RFX3: variants seen among roughly 807,000 people sequenced by gnomAD.
The protein encoded by RFX3 is regulatory factor X3, also known as transcription factor RFX3.
RFX3 carries 14 observed loss-of-function variants against 98.6 expected under a neutral mutation model. The ratio of observed to expected loss-of-function variants is 0.14; its 90% confidence interval spans 0.09 to 0.22. The LOEUF is 0.22. Among genes scored for constraint, RFX3 ranks in the 10% least tolerant of loss-of-function variants. RFX3 has a pLI of 1.00. For synonymous variants in RFX3, 383 were observed against 328.4 expected (o/e 1.17, Z -1.80); for missense variants, 639 against 926.9 (o/e 0.69, Z 4.03).
chr9:3,271,824 G>C (rs866059793), intron 9 of RFX3, among the ~76,000 whole-genome samples: 2 of 152,178 alleles, frequency 1.3e-5, no homozygotes, highest in African/African-American at 4.8e-5. Flanking sequence ...GCCAAACAGA[G>C]GCTGGGGCAG....
intron 1 of RFX3, among the ~76,000 whole-genome samples, chr9:3,427,260 CTA>C (rs577418991): frequency 6.9e-4 from 96 of 138,438 alleles, no homozygotes; most frequent in Admixed American, 3.0e-3. Flanking sequence ...ATATATAATA[CTA>C]TATATATATT....
At chr9:3,460,675 G>A (rs1373734261) in intron 1 of RFX3, among the ~76,000 whole-genome samples, 1 of 151,852 alleles carries the variant, frequency 6.6e-6, no homozygotes, top group Non-Finnish European at 1.5e-5. Context: ...GACTCTCAGA[G>A]CTAATACCTT....
chr9:3,463,998 C>T (rs1847965605), intron 1 of RFX3, among the ~76,000 whole-genome samples: 1 of 151,958 alleles, frequency 6.6e-6, no homozygotes, highest in African/African-American at 2.4e-5. Flanking sequence ...GGACACTTTA[C>T]ACAAGAATAT....
chr9:3,520,074 C>T (rs1363704276), intron 1 of RFX3, among the ~76,000 whole-genome samples: 1 of 152,180 alleles, frequency 6.6e-6, no homozygotes, highest in African/African-American at 2.4e-5. Flanking sequence ...TATGCCACTG[C>T]ACTCCAGCCT....
chr9:3,400,211 A>C, intron 1 of RFX3: 1 of 982,148 alleles, frequency 1.0e-6, no homozygotes, highest in Non-Finnish European at 1.2e-6. Flanking sequence ...AAAGACAAGT[A>C]AGAAAGGCAA....
chr9:3,518,900 C>A (rs1818438004), intron 1 of RFX3, among the ~76,000 whole-genome samples: 1 of 152,094 alleles, frequency 6.6e-6, no homozygotes, highest in South Asian at 2.1e-4. Flanking sequence ...CATTTTTCTA[C>A]CCTTAGTAAA....
chr9:3,475,567 C>A (rs1057152018), intron 1 of RFX3, among the ~76,000 whole-genome samples: 1 of 152,158 alleles, frequency 6.6e-6, no homozygotes, highest in Non-Finnish European at 1.5e-5. Flanking sequence ...CTGCATATCG[C>A]ATATACAGCG....
chr9:3,374,775 C>A (rs1178486878), intron 2 of RFX3, among the ~76,000 whole-genome samples: 1 of 151,456 alleles, frequency 6.6e-6, no homozygotes, highest in African/African-American at 2.4e-5. Context: ...GGTTGCACAA[C>A]AATGTGAATG....
chr9:3,398,244 T>G (rs1191731398), intron 1 of RFX3, among the ~76,000 whole-genome samples: 2 of 151,958 alleles, frequency 1.3e-5, no homozygotes, highest in African/African-American at 4.8e-5. Context: ...CGAGTATTAC[T>G]AGAGGACCAA....
intron 1 of RFX3, among the ~76,000 whole-genome samples, chr9:3,477,358 T>C (rs1257435220): frequency 1.3e-5 from 2 of 152,224 alleles, no homozygotes; most frequent in African/African-American, 2.4e-5. Flanking sequence ...AAAGACTCCC[T>C]TTAACATTTC....
intron 4 of RFX3, among the ~76,000 whole-genome samples, chr9:3,321,593 A>T (rs988491414): frequency 1.3e-5 from 2 of 152,218 alleles, no homozygotes; most frequent in African/African-American, 4.8e-5. Flanking sequence ...CTATAAATTT[A>T]AAAAATTAGT....
At chr9:3,314,543 G>A (rs1830353978) in intron 4 of RFX3, among the ~76,000 whole-genome samples, 1 of 152,144 alleles carries the variant, frequency 6.6e-6, no homozygotes, top group Non-Finnish European at 1.5e-5. Context: ...AAATGTAAAT[G>A]GGCCAAATGC....
chr9:3,525,343 G>C (rs1015808397), intron 1 of RFX3, among the ~76,000 whole-genome samples: 3 of 152,196 alleles, frequency 2.0e-5, no homozygotes, highest in Non-Finnish European at 4.4e-5. Flanking sequence ...GAAAATTAAA[G>C]AAAGAACAAA....
At chr9:3,246,022 C>A (rs1229858978) in intron 15 of RFX3, among the ~76,000 whole-genome samples, 1 of 152,114 alleles carries the variant, frequency 6.6e-6, no homozygotes, top group African/African-American at 2.4e-5. Flanking sequence ...GATAGTATGA[C>A]CATGGCCAAT....
intron 15 of RFX3, among the ~76,000 whole-genome samples, chr9:3,246,666 A>G (rs1453906277): frequency 6.6e-6 from 1 of 152,202 alleles, no homozygotes; most frequent in Non-Finnish European, 1.5e-5. Context: ...GCATTTTCCA[A>G]CAAGGCATCT....
At chr9:3,508,885 C>A (rs1315864093) in intron 1 of RFX3, among the ~76,000 whole-genome samples, 1 of 151,804 alleles carries the variant, frequency 6.6e-6, no homozygotes, top group Non-Finnish European at 1.5e-5. Flanking sequence ...GCTCAAACTG[C>A]TCATCTTTAG....
At position 3,366,693 on chromosome 9, in the gene RFX3, C is replaced by CCTTCCTTT. The variant is rs1491500921; in HGVS notation, c.118-19930_118-19929insAAAGGAAG. ...CTTTCTCTTTCTTTCTTCTTTCTTT[C>CCTTCCTTT]CTTTCTTTCTTTCTTTCTTTCTTTC... On this transcript the variant is annotated intron_variant, in intron 2 of 16. Coordinates refer to ENST00000617270, the MANE Select transcript of RFX3 (RefSeq NM_001282116.2). 5.5e-3 allele frequency among the ~76,000 whole-genome samples: 471 copies of CCTTCCTTT among 85,498 alleles called. 15 individuals carry two copies. Among genetic ancestry groups the CCTTCCTTT allele is most frequent in the African/African-American group, 0.016 (305 of 19,310 alleles). The allele number at this position is 85,498 out of a possible 152,430, so 56.1% of individuals were successfully genotyped here.
chr9:3,225,538 TA>T (rs370374469), intron 16 of RFX3, among the ~76,000 whole-genome samples: 12,014 of 147,270 alleles, frequency 0.082, 488 homozygotes, highest in Middle Eastern at 0.12. Flanking sequence ...TTAACTTTTT[TA>T]AAAAAAAAGG....
At chr9:3,261,562 G>T (rs541539503) in intron 13 of RFX3, among the ~76,000 whole-genome samples, 16 of 152,208 alleles carry the variant, frequency 1.1e-4, no homozygotes, top group Admixed American at 2.6e-4. Flanking sequence ...GGACATTTGG[G>T]TTGTTTCTGC....
Sources: allele counts gnomAD v4.1 joint callset (sites outside exome capture counted in the v4.1 genomes callset), GRCh38; gene constraint gnomAD v4.1.1; transcripts MANE v1.5; gene names NCBI Gene and HGNC (gene_info 2026-07-23, HGNC 2026-07-21).